The following ADGRV1 variants were observed in gnomAD, a reference collection of about 807,000 sequenced individuals.
ADGRV1 encodes the protein G-protein coupled receptor 98.
ADGRV1 carries 359 observed loss-of-function variants against 596.2 expected under a neutral mutation model. The observed-to-expected ratio is 0.60, with a 90% CI of 0.55 to 0.66. ADGRV1 has a LOEUF of 0.66. Among genes scored for constraint, ADGRV1 ranks in the 30% least tolerant of loss-of-function variants. The probability of loss-of-function intolerance (pLI) is 0.00; values close to 1 mark genes in which losing one functional copy is unlikely to be tolerated. For missense variants in ADGRV1, 7,274 were observed against 7,575.6 expected (o/e 0.96, Z 1.48); for synonymous variants, 2,681 against 2,679.2 (o/e 1.00, Z -0.02).
At chr5:90,686,679 G>A (rs1158469664) in intron 29 of ADGRV1, among the ~76,000 whole-genome samples, 3 of 152,118 alleles carry the variant, frequency 2.0e-5, no homozygotes, top group African/African-American at 7.2e-5. Flanking sequence ...AAACATACGT[G>A]TGCATGTGTC....
At chr5:90,987,979 A>T (rs990735473) in intron 85 of ADGRV1, among the ~76,000 whole-genome samples, 1 of 152,084 alleles carries the variant, frequency 6.6e-6, no homozygotes, top group African/African-American at 2.4e-5. Flanking sequence ...ATTGCCAGAT[A>T]ATTCGCTGGC....
In ADGRV1 at chr5:91,102,337, G is replaced by T. The variant is rs1791456110; in HGVS notation, c.18429G>T (p.Leu6143=). Residue 6143 remains leucine (L), a synonymous_variant, in exon 87 of 90, where the codon CTG becomes CTT. Transcript: ENST00000405460. ...TTCTCTTTGTCATTTTCAACAGTCT[G>T]CAGGTAAGCCTTACAATTTGGTTAG... ...MLVLFVIFNS[L]QGLYVFMVYF... 6.3e-7 allele frequency: 1 copy of T among 1,589,522 alleles called. No individual in the cohort carries two copies. Among genetic ancestry groups the T allele is most frequent in the Non-Finnish European group, 8.6e-7 (1 of 1,168,766 alleles).
At chr5:91,145,412 A>G (rs1795451842) in intron 87 of ADGRV1, among the ~76,000 whole-genome samples, 1 of 152,256 alleles carries the variant, frequency 6.6e-6, no homozygotes, top group African/African-American at 2.4e-5. Context: ...GAAATAAATC[A>G]GTAACGTTTG....
intron 1 of ADGRV1, among the ~76,000 whole-genome samples, chr5:90,568,585 C>G (rs556139240): frequency 6.6e-6 from 1 of 152,234 alleles, no homozygotes; most frequent in South Asian, 2.1e-4. Context: ...ATGTATTCTG[C>G]TGTTGTGGGG....
At chr5:90,789,659 T>G in intron 68 of ADGRV1, 43 bp from the exon 69 acceptor site, 1 of 1,211,716 alleles carries the variant, frequency 8.3e-7, no homozygotes. Flanking sequence ...ATTTCATCCC[T>G]ATTGTTTTAT....
In ADGRV1 at chr5:90,802,785, T is replaced by C; in HGVS notation, c.14564T>C (p.Val4855Ala). The change falls in exon 71 of 90, where the codon GTG becomes GCG. Residue 4855 changes from valine (V) to alanine (A), a missense_variant. Physicochemically the swap from Val to Ala is moderately conservative, Grantham distance 64. Transcript: ENST00000405460. ...GSNFTLQLVTVMLVGGRFYGM... is the reference protein window; with the variant it reads ...GSNFTLQLVTAMLVGGRFYGM... ...AATTTCACTTTGCAACTGGTGACTG[T>C]GATGCTTGTCGGTGGACGTTTCTAT... The C allele has an allele frequency of 6.2e-7, 1 of 1,613,292 alleles. No homozygotes were observed. Among genetic ancestry groups the C allele is most frequent in the Non-Finnish European group, 8.5e-7 (1 of 1,179,614 alleles).
chr5:90,731,662 TG>T (rs1738298517), intron 50 of ADGRV1, among the ~76,000 whole-genome samples: 1 of 152,152 alleles, frequency 6.6e-6, no homozygotes, highest in Non-Finnish European at 1.5e-5. Flanking sequence ...AATGTTGTGG[TG>T]CTGAGATTGG....
At chr5:90,946,919 G>A (rs1391789763) in intron 83 of ADGRV1, among the ~76,000 whole-genome samples, 1 of 152,136 alleles carries the variant, frequency 6.6e-6, no homozygotes, top group Non-Finnish European at 1.5e-5. Flanking sequence ...GTGCTGCAGT[G>A]AACATATGCG....
chr5:90,795,184 G>A (rs1468577821), intron 70 of ADGRV1, among the ~76,000 whole-genome samples: 1 of 151,516 alleles, frequency 6.6e-6, no homozygotes, highest in Non-Finnish European at 1.5e-5. Context: ...CTGAAGCCGG[G>A]AAGCCAAGTG....
intron 85 of ADGRV1, among the ~76,000 whole-genome samples, chr5:91,045,956 A>G (rs962732192): frequency 7.2e-5 from 11 of 152,144 alleles, no homozygotes; most frequent in African/African-American, 2.4e-4. Context: ...TTAGGAATAC[A>G]CTAAGGAGGT....
chr5:90,756,698 A>G (rs2149982489), intron 56 of ADGRV1, 68 bp downstream of exon 56: 1 of 1,295,698 alleles, frequency 7.7e-7, no homozygotes, highest in Non-Finnish European at 1.1e-6. Context: ...CCAGTGTTTT[A>G]TGTTTAGCTT....
chr5:91,030,523 G>A (rs1784378263), intron 85 of ADGRV1, among the ~76,000 whole-genome samples: 1 of 151,750 alleles, frequency 6.6e-6, no homozygotes, highest in East Asian at 1.9e-4. Flanking sequence ...ATAATTTTTG[G>A]TCTAGCCATG....
chr5:90,952,749 G>A (rs1340135829), intron 83 of ADGRV1, among the ~76,000 whole-genome samples: 2 of 152,190 alleles, frequency 1.3e-5, no homozygotes, highest in Admixed American at 6.5e-5. Flanking sequence ...CATTAGATTC[G>A]GAAGTGAACT....
chr5:90,693,111 G>T (rs1746697852), intron 32 of ADGRV1, among the ~76,000 whole-genome samples: 1 of 148,808 alleles, frequency 6.7e-6, no homozygotes, highest in East Asian at 2.0e-4. Context: ...TTTGTATGAT[G>T]TATGAAGGAG....
At chr5:91,001,025 C>A (rs1477190359) in intron 85 of ADGRV1, among the ~76,000 whole-genome samples, 1 of 152,164 alleles carries the variant, frequency 6.6e-6, no homozygotes, top group African/African-American at 2.4e-5. Context: ...TTACAAAAAA[C>A]ACCCAGAATA....
At chr5:90,604,885 C>T (rs936963431) in intron 1 of ADGRV1, among the ~76,000 whole-genome samples, 1 of 152,096 alleles carries the variant, frequency 6.6e-6, no homozygotes, top group African/African-American at 2.4e-5. Flanking sequence ...TCATTTTGTG[C>T]TTTGCAAATG....
In ADGRV1 at chr5:90,627,589, A is replaced by G. The variant is rs754152833; in HGVS notation, c.1051A>G (p.Ile351Val). The change falls in exon 7 of 90, where the codon ATA becomes GTA. Residue 351 changes from isoleucine to valine, a missense_variant. Physicochemically the swap from Ile to Val is conservative, Grantham distance 29 (BLOSUM62 3). Coordinates refer to ENST00000405460, the MANE Select transcript of ADGRV1 (RefSeq NM_032119.4). ...HLKFQIVDDT[I>V]PEIAESFHIM... is the part of the protein sequence containing the mutation. Reference sequence around the variant, plus strand: ...GAAATTTCAAATAGTTGATGACACCATACCGGAGATTGCTGAATCGTTTCA... The same window carrying G: ...GAAATTTCAAATAGTTGATGACACCGTACCGGAGATTGCTGAATCGTTTCA... 12 of 1,613,786 alleles carry G rather than the reference A, an allele frequency of 7.4e-6. No homozygotes were observed. Among genetic ancestry groups the G allele is most frequent in the East Asian group, 6.7e-5 (3 of 44,874 alleles).
rs138664255 is a variant in ADGRV1, at chr5:91,012,100, C to T, written c.18152+26578C>T. 2.5e-3 allele frequency among the ~76,000 whole-genome samples: 381 copies of T among 152,084 alleles called. 5 individuals are homozygous for T. The highest frequency in any genetic ancestry group is 1.9e-3 in the East Asian group (10 of 5,162). The stretch of plus-strand genomic sequence containing the variant: ...CAAACGACTTCAATAGCTTGCTAAC[C>T]GTGTTCAGTTTTTCTTTACACTGGG... On this transcript the variant is annotated intron_variant, in intron 85 of 89. Transcript: ENST00000405460.
At chr5:90,985,322 T>G (rs746109871) in intron 84 of ADGRV1, 22 bp from the exon 85 acceptor site, 1 of 1,563,938 alleles carries the variant, frequency 6.4e-7, no homozygotes, top group Admixed American at 1.8e-5. Flanking sequence ...GCCTGTTCAT[T>G]TTATGTTGTT....
Sources: allele counts gnomAD v4.1 joint callset (sites outside exome capture counted in the v4.1 genomes callset), GRCh38; gene constraint gnomAD v4.1.1; transcripts MANE v1.5; gene names NCBI Gene and HGNC (gene_info 2026-07-23, HGNC 2026-07-21).